FER1L6: variants seen among roughly 807,000 people sequenced by gnomAD.
FER1L6 encodes fer-1 like family member 6.
Under a neutral mutation model 219.2 loss-of-function variants are expected in FER1L6, and 177 were observed. The ratio of observed to expected loss-of-function variants is 0.81; its 90% CI spans 0.71 to 0.91. The LOEUF is 0.91. FER1L6 is among the 40% of genes least tolerant of loss of function. FER1L6 has a pLI of 0.00. For missense variants in FER1L6, 2,153 were observed against 2,259.9 expected (o/e 0.95, Z 0.96); for synonymous variants, 768 against 824.3 (o/e 0.93, Z 1.17).
At chr8:123,932,075 C>T (rs1224744692) in intron 1 of FER1L6, among the ~76,000 whole-genome samples, 2 of 152,084 alleles carry the variant, frequency 1.3e-5, no homozygotes, top group Non-Finnish European at 2.9e-5. Flanking sequence ...GTTTATTTAA[C>T]AGTGTCTTTC....
At chr8:123,895,261 G>A (rs1193352826) in intron 1 of FER1L6, among the ~76,000 whole-genome samples, 5 of 152,186 alleles carry the variant, frequency 3.3e-5, no homozygotes, top group African/African-American at 4.8e-5. Flanking sequence ...GACAGGATGA[G>A]GAACCATTGC....
At chr8:123,969,956 G>T in intron 5 of FER1L6, 79 bp from the exon 6 acceptor site, 9 of 1,101,394 alleles carry the variant, frequency 8.2e-6, no homozygotes, top group Non-Finnish European at 1.3e-5. Context: ...GAATGACAAA[G>T]ATCTAAATCC....
intron 1 of FER1L6, among the ~76,000 whole-genome samples, chr8:123,927,270 A>C (rs1013490546): frequency 6.6e-6 from 1 of 152,170 alleles, no homozygotes; most frequent in Non-Finnish European, 1.5e-5. Flanking sequence ...TGGGAAAAAA[A>C]CTATTCAAAC....
chr8:123,901,941 C>G (rs1170942825), intron 1 of FER1L6, among the ~76,000 whole-genome samples: 3 of 151,986 alleles, frequency 2.0e-5, no homozygotes. Flanking sequence ...AGGAGGGTCT[C>G]AATCTCCAGA....
intron 20 of FER1L6, among the ~76,000 whole-genome samples, chr8:124,045,233 T>C (rs1435256864): frequency 1.3e-5 from 2 of 152,232 alleles, no homozygotes; most frequent in Non-Finnish European, 2.9e-5. Context: ...AGCATCTACA[T>C]GGCGAGAGTG....
At chr8:123,998,373 ACTCTCTCTCTCTCTCTCTCTCTCTCT>A (rs746709688) in intron 12 of FER1L6, among the ~76,000 whole-genome samples, 3 of 32,456 alleles carry the variant, frequency 9.2e-5, no homozygotes, top group Admixed American at 4.6e-4. Flanking sequence ...AAAGAGGGAA[ACTCTCTCTCTCTCTCTCTCTCTCTCT>A]CTCTCTCTCT....
rs1822523181 is a variant in FER1L6 at position 124,100,949 on chromosome 8, T to TA, written c.4884-144dup. The TA allele has an allele frequency of 7.7e-6, 6 of 781,760 alleles. No individual in the cohort carries two copies. In the South Asian group the frequency reaches 9.2e-5, roughly 12 times the overall value. The allele number at this position is 781,760 out of a possible 1,614,324, so 48.4% of individuals were successfully genotyped here. A position where few individuals can be genotyped will look rare whatever the true frequency, so the allele number is the denominator to read the frequency against. ...TGACCCCTATTTTATTCTTTCAAGTTAAAATGGAAACTTCCAACTGAATCT... is the reference window on the plus strand; with the variant it reads ...TGACCCCTATTTTATTCTTTCAAGTTAAAAATGGAAACTTCCAACTGAATCT... On this transcript the variant is annotated intron_variant, in intron 37 of 40. Transcript: ENST00000522917.
chr8:124,039,502 T>C (rs528595379), intron 19 of FER1L6, among the ~76,000 whole-genome samples: 248 of 152,234 alleles, frequency 1.6e-3, no homozygotes, highest in African/African-American at 5.1e-3. Context: ...GAAGAGGATT[T>C]TAGAATCAGA....
chr8:124,074,701 G>T (rs1232662771), intron 31 of FER1L6, among the ~76,000 whole-genome samples: 1 of 151,234 alleles, frequency 6.6e-6, no homozygotes, highest in Non-Finnish European at 1.5e-5. Flanking sequence ...ATCTTTTAAC[G>T]AAGGGAATAC....
At chr8:124,101,480 C>A in intron 38 of FER1L6, 142 bp downstream of exon 38, 1 of 695,232 alleles carries the variant, frequency 1.4e-6, no homozygotes, top group South Asian at 2.0e-5. Flanking sequence ...CCCAAATAGC[C>A]ATTAATAGGG....
At chr8:123,984,292 C>T (rs1311459601) in intron 11 of FER1L6, 1 of 152,180 alleles carries the variant, frequency 6.6e-6, no homozygotes, top group African/African-American at 2.4e-5. Flanking sequence ...GTCAATCAGC[C>T]TCGGAATGGA....
chr8:124,064,301 C>G, intron 25 of FER1L6, 46 bp from the exon 26 acceptor site: 2 of 1,513,652 alleles, frequency 1.3e-6, no homozygotes, highest in Non-Finnish European at 1.8e-6. Flanking sequence ...AAACGACCAC[C>G]CTGTGATGCA....
Position 123,937,872 on chromosome 8 carries a change from A to G in FER1L6, c.-7-18120A>G, listed in dbSNP as rs1216660015. ...ATATATAGGAAAGAAAAAAACCCCA[A>G]GAGATGACAGCATAAAACATAGTAC... On this transcript the variant is annotated intron_variant, in intron 1 of 40. Coordinates refer to ENST00000522917, the MANE Select transcript of FER1L6 (RefSeq NM_001039112.2). Among the ~76,000 whole-genome samples, 3 of 152,226 alleles carry G rather than the reference A, an allele frequency of 2.0e-5. No homozygotes were observed. In the East Asian group the frequency reaches 5.8e-4, roughly 29 times the overall value.
chr8:124,043,943 GCA>G (rs1275338737), intron 20 of FER1L6, among the ~76,000 whole-genome samples: 1 of 152,216 alleles, frequency 6.6e-6, no homozygotes, highest in South Asian at 2.1e-4. Flanking sequence ...CATCTGCTAT[GCA>G]CAGAGTGCTG....
chr8:123,933,228 T>C (rs1813845588), intron 1 of FER1L6, among the ~76,000 whole-genome samples: 1 of 152,212 alleles, frequency 6.6e-6, no homozygotes, highest in African/African-American at 2.4e-5. Flanking sequence ...GTAAATGCAG[T>C]GTTCCAAACC....
chr8:123,859,462 C>T (rs372366819), intron 1 of FER1L6, among the ~76,000 whole-genome samples: 10 of 151,910 alleles, frequency 6.6e-5, no homozygotes, highest in African/African-American at 2.4e-4. Flanking sequence ...CTGAAACTTT[C>T]TACACTATGA....
intron 1 of FER1L6, among the ~76,000 whole-genome samples, chr8:123,924,029 T>C (rs1405277065): frequency 6.7e-6 from 1 of 148,356 alleles, no homozygotes; most frequent in Non-Finnish European, 1.5e-5. Flanking sequence ...CCAAGGCAGG[T>C]GGATCACCTG....
intron 33 of FER1L6, among the ~76,000 whole-genome samples, chr8:124,088,844 A>G (rs2130935853): frequency 6.6e-6 from 1 of 151,926 alleles, no homozygotes; most frequent in Non-Finnish European, 1.5e-5. Context: ...CTTGTGCTGT[A>G]TTTACTGTAG....
In FER1L6 at chr8:124,111,206, C is replaced by G. The variant is rs1823010473; in HGVS notation, c.5290-7638C>G. On this transcript the variant is annotated intron_variant, in intron 39 of 40. Transcript: ENST00000522917. The surrounding 1 kb of genome is among the most constrained non-coding windows in gnomAD (Gnocchi z 5.0). ...GAGAAAAGAAAAGGGGGAAGGAAAT[C>G]TCTTCCCATTTTCAACAGGGAGAAC... is the stretch of plus-strand genomic sequence containing the variant. Among the ~76,000 whole-genome samples, 1 of 152,228 alleles carries G rather than the reference C, an allele frequency of 6.6e-6. No individual in the cohort carries two copies. Among genetic ancestry groups the G allele is most frequent in the Admixed American group, 6.5e-5 (1 of 15,292 alleles).
Sources: allele counts gnomAD v4.1 joint callset (sites outside exome capture counted in the v4.1 genomes callset), GRCh38; gene constraint gnomAD v4.1.1; non-coding constraint Gnocchi (gnomAD v3.1); transcripts MANE v1.5; gene names NCBI Gene and HGNC (gene_info 2026-07-23, HGNC 2026-07-21).